Variants in SMARCC1 observed in about 807,000 individuals in gnomAD.
SMARCC1 encodes SWI/SNF related BAF chromatin remodeling complex subunit C1.
In SMARCC1, 43 loss-of-function variants were observed where a neutral mutation model predicts 147.4. That is an observed-to-expected ratio of 0.29 (90% CI 0.23 to 0.38). SMARCC1 has a LOEUF of 0.38. SMARCC1 is among the 10% of genes least tolerant of loss of function. The probability of loss-of-function intolerance (pLI) is 1.00; values close to 1 mark genes in which losing one functional copy is unlikely to be tolerated. For missense variants in SMARCC1, 1,119 were observed against 1,381.1 expected (o/e 0.81, Z 3.01); for synonymous variants, 495 against 484.4 (o/e 1.02, Z -0.29).
At chr3:47,659,275 T>TA (rs2033306433) in intron 21 of SMARCC1, among the ~76,000 whole-genome samples, 1 of 127,478 alleles carries the variant, frequency 7.8e-6, no homozygotes, top group Admixed American at 7.9e-5. Flanking sequence ...AATAAATAAA[T>TA]AAAAAATAAA....
At chr3:47,610,902 A>G (rs1051620871) in intron 25 of SMARCC1, 3 of 152,654 alleles carry the variant, frequency 2.0e-5, no homozygotes, top group African/African-American at 7.2e-5. Flanking sequence ...TGGCAGTGCC[A>G]CTGCAAATCT....
At chr3:47,743,962 G>C (rs2034537820) in intron 3 of SMARCC1, among the ~76,000 whole-genome samples, 1 of 152,010 alleles carries the variant, frequency 6.6e-6, no homozygotes, top group African/African-American at 2.4e-5. Context: ...CAAGAACCAA[G>C]GACAGAAAAG....
Position 47,662,800 on chromosome 3 carries a change from C to A in SMARCC1, c.1900-208G>T, listed in dbSNP as rs138923762. 5.6e-4 allele frequency among the ~76,000 whole-genome samples: 85 copies of A among 151,856 alleles called. 1 individual carries two copies. The East Asian group carries it at 0.014, about 25-fold the overall frequency. On this transcript the variant is annotated intron_variant, in intron 19 of 27. Transcript: ENST00000254480. ...TACTGTAAAGAAAGTAGTCCAGGCA[C>A]GGTGGCTCACGCGTATAATCTCAGC...
At chr3:47,680,038 C>T (rs948127252) in intron 15 of SMARCC1, among the ~76,000 whole-genome samples, 1 of 151,890 alleles carries the variant, frequency 6.6e-6, no homozygotes, top group East Asian at 1.9e-4. Context: ...CCCGTCTCCA[C>T]CAAAAAATAA....
intron 24 of SMARCC1, among the ~76,000 whole-genome samples, chr3:47,629,440 T>A (rs1217778363): frequency 1.3e-5 from 2 of 152,204 alleles, no homozygotes; most frequent in African/African-American, 2.4e-5. Context: ...TGGCACATCT[T>A]CTACCTTGAG....
chr3:47,688,709 C>A (rs2033758953), intron 13 of SMARCC1, among the ~76,000 whole-genome samples: 2 of 152,206 alleles, frequency 1.3e-5, no homozygotes, highest in Non-Finnish European at 2.9e-5. Flanking sequence ...AAAGTCTACA[C>A]TGCATCAATA....
At chr3:47,589,159 T>C (rs980818871) in intron 27 of SMARCC1, among the ~76,000 whole-genome samples, 1 of 152,198 alleles carries the variant, frequency 6.6e-6, no homozygotes, top group Non-Finnish European at 1.5e-5. Flanking sequence ...CCTTGTGTCA[T>C]CTTTCAGTGG....
chr3:47,750,697 C>A (rs935731239), intron 2 of SMARCC1, among the ~76,000 whole-genome samples: 2 of 152,048 alleles, frequency 1.3e-5, no homozygotes, highest in African/African-American at 4.8e-5. Flanking sequence ...CAGCAATGTG[C>A]CACCTGACAA....
chr3:47,756,305 G>A (rs994165194), intron 2 of SMARCC1, among the ~76,000 whole-genome samples: 16 of 151,922 alleles, frequency 1.1e-4, no homozygotes, highest in Admixed American at 5.9e-4. Context: ...AGGCCTAGGC[G>A]AGCAGATCAC....
intron 26 of SMARCC1, among the ~76,000 whole-genome samples, chr3:47,605,554 T>G (rs2032458754): frequency 1.3e-5 from 2 of 152,184 alleles, no homozygotes; most frequent in Non-Finnish European, 2.9e-5. Flanking sequence ...GGAGGACTAC[T>G]TAAGCCCAGG....
chr3:47,641,851 A>G (rs2033051755), intron 21 of SMARCC1, among the ~76,000 whole-genome samples: 1 of 152,196 alleles, frequency 6.6e-6, no homozygotes, highest in Admixed American at 6.6e-5. Context: ...AGCTCACTGC[A>G]GCCTCAAACT....
chr3:47,703,869 T>A (rs2033957432), intron 10 of SMARCC1, among the ~76,000 whole-genome samples: 1 of 152,174 alleles, frequency 6.6e-6, no homozygotes, highest in African/African-American at 2.4e-5. Context: ...CGATCTCAGC[T>A]CACTGCAAGC....
chr3:47,676,488 C>T (rs1212350702), intron 17 of SMARCC1, 141 bp downstream of exon 17: 3 of 651,590 alleles, frequency 4.6e-6, no homozygotes, highest in Admixed American at 2.9e-5. Flanking sequence ...TACAGTACAC[C>T]AAAATACACA....
At position 47,661,473 on chromosome 3, in the gene SMARCC1, A is replaced by G; in HGVS notation, c.2159-18T>C. On this transcript the variant is annotated intron_variant, in intron 20 of 27. Transcript: ENST00000254480. ...AAACTCCTCTGGTTCAAGAATAAAA[A>G]TGGAACAGCAATCTAACTTTGCACA... 1 of 1,587,780 alleles carries G rather than the reference A, an allele frequency of 6.3e-7. No individual in the cohort carries two copies. Among genetic ancestry groups the G allele is most frequent in the Non-Finnish European group, 8.5e-7 (1 of 1,171,314 alleles).
At chr3:47,696,430 C>CA (rs375092670) in intron 11 of SMARCC1, among the ~76,000 whole-genome samples, 98 of 151,996 alleles carry the variant, frequency 6.4e-4, no homozygotes, top group African/African-American at 2.3e-3. Flanking sequence ...ACACTAGACT[C>CA]AAAAACGGCA....
chr3:47,762,337 A>G (rs2034782760), intron 2 of SMARCC1, among the ~76,000 whole-genome samples: 1 of 152,328 alleles, frequency 6.6e-6, no homozygotes, highest in African/African-American at 2.4e-5. Context: ...ATCAAATGAA[A>G]ACAGACTGTT....
At chr3:47,670,810 A>G (rs1025537319) in intron 18 of SMARCC1, 93 bp from the exon 19 acceptor site, 1 of 794,906 alleles carries the variant, frequency 1.3e-6, no homozygotes, top group African/African-American at 1.7e-5. Flanking sequence ...GGACTGTGTT[A>G]CGCAAACTAT....
chr3:47,696,661 G>A (rs2033856261), intron 11 of SMARCC1, among the ~76,000 whole-genome samples: 1 of 151,614 alleles, frequency 6.6e-6, no homozygotes, highest in Non-Finnish European at 1.5e-5. Flanking sequence ...TGGGATTACA[G>A]GCACCCACCA....
chr3:47,725,947 A>T (rs1385379056), intron 6 of SMARCC1, among the ~76,000 whole-genome samples: 1 of 151,040 alleles, frequency 6.6e-6, no homozygotes, highest in Non-Finnish European at 1.5e-5. Flanking sequence ...CTGTAATCCC[A>T]GCTACTCAGG....
Sources: gnomAD v4.1 joint callset for allele counts (sites outside exome capture counted in the v4.1 genomes callset) on GRCh38, gnomAD v4.1.1 for gene constraint, MANE v1.5 for transcripts, NCBI Gene and HGNC (gene_info 2026-07-23, HGNC 2026-07-21) for gene names.